Variants in JMJD1C observed in about 807,000 individuals in gnomAD.
The protein encoded by JMJD1C is jumonji domain-containing protein 1C.
JMJD1C carries 31 observed loss-of-function variants against 245.3 expected under a neutral mutation model. That is an observed-to-expected ratio of 0.13 (90% CI 0.09 to 0.17). The LOEUF is 0.17. Ranked by LOEUF, JMJD1C falls within the 10% of genes least tolerant of loss-of-function variation. The pLI, the probability that JMJD1C is intolerant of heterozygous loss-of-function variation, is 1.00. For missense variants in JMJD1C, 2,691 were observed against 3,000.2 expected (o/e 0.90, Z 2.41); for synonymous variants, 1,057 against 1,017.4 (o/e 1.04, Z -0.74).
intron 2 of JMJD1C, among the ~76,000 whole-genome samples, chr10:63,312,351 G>A (rs1440488924): frequency 6.6e-6 from 1 of 151,850 alleles, no homozygotes; most frequent in Non-Finnish European, 1.5e-5. Context: ...CAGGTGATCC[G>A]CCCACCTTGG....
intron 2 of JMJD1C, among the ~76,000 whole-genome samples, chr10:63,266,147 A>C (rs1855547367): frequency 6.6e-6 from 1 of 152,114 alleles, no homozygotes; most frequent in African/African-American, 2.4e-5. Context: ...TAATTAAAAA[A>C]CAGGAAAAAC....
chr10:63,381,680 G>C (rs7904139), intron 1 of JMJD1C, among the ~76,000 whole-genome samples: 3,456 of 152,266 alleles, frequency 0.023, 130 homozygotes, highest in African/African-American at 0.078. Context: ...ACTTGAATTA[G>C]AAAGGACATT....
intron 10 of JMJD1C, chr10:63,202,610 C>T: frequency 1.0e-6 from 1 of 985,430 alleles, no homozygotes; most frequent in African/African-American, 1.7e-5. Context: ...TACATGCTTT[C>T]CCCTCTCTGT....
In JMJD1C at chr10:63,254,271, T is replaced by C. The variant is rs142571604; in HGVS notation, c.447+10380A>G. On this transcript the variant is annotated intron_variant, in intron 3 of 25. Coordinates refer to ENST00000399262, the MANE Select transcript of JMJD1C (RefSeq NM_032776.3). Reference sequence around the variant, plus strand: ...AAAGAGACTAGAAAACATCTTAATATGGATTACCTGCCGAGGGAACAAATG... The same window carrying C: ...AAAGAGACTAGAAAACATCTTAATACGGATTACCTGCCGAGGGAACAAATG... 4.2e-3 allele frequency among the ~76,000 whole-genome samples: 636 copies of C among 152,202 alleles called. 2 individuals are homozygous for C. The highest frequency in any genetic ancestry group is 0.014 in the African/African-American group (600 of 41,534).
At chr10:63,362,235 T>TAA (rs10637662) in intron 2 of JMJD1C, among the ~76,000 whole-genome samples, 24,866 of 130,990 alleles carry the variant, frequency 0.19, 2,939 homozygotes, top group Non-Finnish European at 0.28. Context: ...ACTGCATCTC[T>TAA]AAAAAAAAAA....
At chr10:63,338,699 AGTGCAATG>A (rs2134214321) in intron 2 of JMJD1C, among the ~76,000 whole-genome samples, 1 of 117,542 alleles carries the variant, frequency 8.5e-6, no homozygotes, top group Admixed American at 1.2e-4. Flanking sequence ...CCCAGACTTG[AGTGCAATG>A]GTGCAATCTC....
intron 2 of JMJD1C, among the ~76,000 whole-genome samples, chr10:63,332,138 C>T (rs1942227892): frequency 6.6e-6 from 1 of 152,150 alleles, no homozygotes; most frequent in South Asian, 2.1e-4. Context: ...AAACCAAACT[C>T]TATATTAACA....
intron 1 of JMJD1C, among the ~76,000 whole-genome samples, chr10:63,457,650 A>T (rs951462055): frequency 6.6e-6 from 1 of 152,206 alleles, no homozygotes. Context: ...GGGCTATAGA[A>T]ATGAAGAAAG....
chr10:63,448,450 C>G (rs1007380784), intron 1 of JMJD1C, among the ~76,000 whole-genome samples: 10 of 152,194 alleles, frequency 6.6e-5, no homozygotes, highest in African/African-American at 2.4e-4. Context: ...AGCCTCCACA[C>G]CCAGCCCTAA....
At chr10:63,317,773 GC>G (rs113697491) in intron 2 of JMJD1C, among the ~76,000 whole-genome samples, 3 of 152,086 alleles carry the variant, frequency 2.0e-5, no homozygotes, top group African/African-American at 7.2e-5. Flanking sequence ...GTGCCCCGTC[GC>G]CCCCCATCCC....
chr10:63,348,576 G>A (rs1218108046), intron 2 of JMJD1C, among the ~76,000 whole-genome samples: 1 of 152,130 alleles, frequency 6.6e-6, no homozygotes, highest in African/African-American at 2.4e-5. Flanking sequence ...GCAAAATGGA[G>A]ATAATAAGGA....
intron 22 of JMJD1C, 81 bp downstream of exon 22, chr10:63,183,366 A>C: frequency 7.8e-7 from 1 of 1,280,638 alleles, no homozygotes; most frequent in African/African-American, 1.5e-5. Context: ...CTGTTAACTC[A>C]GAAGCTGATA....
At chr10:63,279,718 T>C (rs60033735) in intron 2 of JMJD1C, among the ~76,000 whole-genome samples, 1,546 of 152,326 alleles carry the variant, frequency 0.01, 24 homozygotes, top group African/African-American at 0.034. Flanking sequence ...TTTGTGCCAC[T>C]GTACTACAGT....
In JMJD1C at chr10:63,393,809, T is replaced by C. The variant is rs565609274; in HGVS notation, c.169-13327A>G. Among the ~76,000 whole-genome samples, 3 of 152,206 alleles carry C rather than the reference T, an allele frequency of 2.0e-5. No individual in the cohort carries two copies. The East Asian group carries it at 5.8e-4, about 29-fold the overall frequency. ...TTTACATGGGGGAGGGAAAAGGAAA[T>C]AGAATTGCTAAATAATTTTGAAAAA... On this transcript the variant is annotated intron_variant, in intron 1 of 25. Transcript: ENST00000399262.
At chr10:63,419,962 C>A (rs1950026213) in intron 1 of JMJD1C, among the ~76,000 whole-genome samples, 1 of 151,462 alleles carries the variant, frequency 6.6e-6, no homozygotes, top group African/African-American at 2.4e-5. Context: ...ATGGTGAAAC[C>A]CCGTCTCTAT....
chr10:63,484,469 T>C (rs1382066415), intron 1 of JMJD1C, among the ~76,000 whole-genome samples: 1 of 152,146 alleles, frequency 6.6e-6, no homozygotes, highest in Non-Finnish European at 1.5e-5. Context: ...ACGCTATTTA[T>C]ACCCTCCCAC....
At chr10:63,484,296 A>C (rs907183752) in intron 1 of JMJD1C, among the ~76,000 whole-genome samples, 3 of 152,134 alleles carry the variant, frequency 2.0e-5, no homozygotes, top group African/African-American at 7.2e-5. Context: ...AGACAGACAG[A>C]TAAAAATAAA....
chr10:63,320,660 A>G (rs1275233732), intron 2 of JMJD1C, among the ~76,000 whole-genome samples: 1 of 152,224 alleles, frequency 6.6e-6, no homozygotes, highest in Non-Finnish European at 1.5e-5. Context: ...TGATAACATG[A>G]AATATATATT....
chr10:63,278,034 G>T (rs956430607), intron 2 of JMJD1C, among the ~76,000 whole-genome samples: 1 of 151,708 alleles, frequency 6.6e-6, no homozygotes, highest in Non-Finnish European at 1.5e-5. Context: ...TACCCAGCCT[G>T]CATTTTAATA....
Sources: allele counts gnomAD v4.1 joint callset (sites outside exome capture counted in the v4.1 genomes callset), GRCh38; gene constraint gnomAD v4.1.1; transcripts MANE v1.5; gene names NCBI Gene and HGNC (gene_info 2026-07-23, HGNC 2026-07-21).